Variants in NEDD4L observed in about 807,000 individuals in gnomAD.
NEDD4L encodes E3 ubiquitin-protein ligase NEDD4-like.
NEDD4L carries 54 observed loss-of-function variants against 148.9 expected under a neutral mutation model. That is an observed-to-expected ratio of 0.36 (90% CI 0.29 to 0.45). NEDD4L has a LOEUF of 0.45. Among genes scored for constraint, NEDD4L ranks in the 20% least tolerant of loss-of-function variants. The probability of loss-of-function intolerance (pLI) is 1.00; values close to 1 mark genes in which losing one functional copy is unlikely to be tolerated. For synonymous variants in NEDD4L, 433 were observed against 440.7 expected (o/e 0.98, Z 0.22); for missense variants, 856 against 1,233.8 (o/e 0.69, Z 4.59).
intron 5 of NEDD4L, among the ~76,000 whole-genome samples, chr18:58,289,806 C>G (rs1296584871): frequency 2.6e-5 from 4 of 152,198 alleles, no homozygotes; most frequent in African/African-American, 9.7e-5. Flanking sequence ...CCCTTGAAAT[C>G]TATATGCACA....
At chr18:58,220,489 C>T (rs556752770) in intron 2 of NEDD4L, among the ~76,000 whole-genome samples, 8 of 152,148 alleles carry the variant, frequency 5.3e-5, no homozygotes, top group Non-Finnish European at 8.8e-5. Flanking sequence ...CCCACTTGCT[C>T]CTCTAAGCCT....
intron 26 of NEDD4L, among the ~76,000 whole-genome samples, 155 bp downstream of exon 26, chr18:58,385,741 G>T (rs779657394): frequency 6.6e-6 from 1 of 152,064 alleles, no homozygotes; most frequent in Non-Finnish European, 1.5e-5. Flanking sequence ...AGCTCACACC[G>T]CTGGCCAGTC....
intron 1 of NEDD4L, among the ~76,000 whole-genome samples, chr18:58,130,356 C>T (rs2031883879): frequency 1.6e-5 from 2 of 124,848 alleles, no homozygotes; most frequent in Non-Finnish European, 3.2e-5. Flanking sequence ...GTTTGGTTGA[C>T]TGTGATCTAG....
intron 2 of NEDD4L, among the ~76,000 whole-genome samples, chr18:58,214,097 C>CT (rs1258983705): frequency 6.6e-6 from 1 of 152,152 alleles, no homozygotes; most frequent in Non-Finnish European, 1.5e-5. Flanking sequence ...CCTGCTTTGG[C>CT]CTACATGAAG....
intron 19 of NEDD4L, among the ~76,000 whole-genome samples, chr18:58,361,117 G>T (rs1460080769): frequency 6.6e-6 from 1 of 152,150 alleles, no homozygotes; most frequent in African/African-American, 2.4e-5. Flanking sequence ...CAAAGGCCAA[G>T]TTCTGTGTCC....
At chr18:58,248,530 A>C (rs969643491) in intron 3 of NEDD4L, among the ~76,000 whole-genome samples, 39 of 152,216 alleles carry the variant, frequency 2.6e-4, no homozygotes, top group African/African-American at 9.4e-4. Flanking sequence ...GTTACTCTGC[A>C]AAACAGATTT....
At chr18:58,091,631 AG>A (rs1370899122) in intron 1 of NEDD4L, 4 of 152,204 alleles carry the variant, frequency 2.6e-5, no homozygotes, top group African/African-American at 9.6e-5. Context: ...AGCGTAAGTA[AG>A]TATTTGCTTT....
intron 1 of NEDD4L, among the ~76,000 whole-genome samples, chr18:58,060,290 TC>T (rs2082273114): frequency 6.6e-6 from 1 of 152,168 alleles, no homozygotes; most frequent in African/African-American, 2.4e-5. Flanking sequence ...CCTGTTGAGA[TC>T]TGGGCTTTTC....
At chr18:58,337,146 G>C (rs2041880830) in intron 13 of NEDD4L, among the ~76,000 whole-genome samples, 1 of 152,094 alleles carries the variant, frequency 6.6e-6, no homozygotes, top group African/African-American at 2.4e-5. Context: ...ACGTTAGACT[G>C]CCATTTTCTT....
intron 1 of NEDD4L, among the ~76,000 whole-genome samples, chr18:58,159,431 T>C (rs1223044946): frequency 6.6e-6 from 1 of 152,172 alleles, no homozygotes; most frequent in Non-Finnish European, 1.5e-5. Context: ...GTAACAGGGA[T>C]ACTACTCTGG....
chr18:58,098,093 TA>T (rs1374560858), intron 1 of NEDD4L, among the ~76,000 whole-genome samples: 8 of 152,186 alleles, frequency 5.3e-5, no homozygotes, highest in Non-Finnish European at 1.0e-4. Flanking sequence ...TGCTTAGTTT[TA>T]TCCAGATGAC....
rs183498350 is a variant in NEDD4L at position 58,199,519 on chromosome 18, G to A, written c.122+33658G>A. Among the ~76,000 whole-genome samples, 271 of 152,308 alleles carry A rather than the reference G, an allele frequency of 1.8e-3. 1 individual carries two copies. Among genetic ancestry groups the A allele is most frequent in the Non-Finnish European group, 2.5e-3 (169 of 68,034 alleles). On this transcript the variant is annotated intron_variant, in intron 2 of 30. Coordinates refer to ENST00000400345, the MANE Select transcript of NEDD4L (RefSeq NM_001144967.3). ...TGGAAGACCAGGCACGGTGGCTCAC[G>A]CTTGTAATCCCGGCACTTTAGGAGG...
At chr18:58,297,301 T>G (rs2055769398) in intron 5 of NEDD4L, among the ~76,000 whole-genome samples, 1 of 152,104 alleles carries the variant, frequency 6.6e-6, no homozygotes, top group Admixed American at 6.5e-5. Context: ...TGGGGCAGCT[T>G]ATGGACGAGA....
intron 2 of NEDD4L, among the ~76,000 whole-genome samples, chr18:58,183,274 A>G (rs2039054626): frequency 6.6e-6 from 1 of 152,124 alleles, no homozygotes; most frequent in Non-Finnish European, 1.5e-5. Context: ...AGTTCCTCCA[A>G]ATAAACCCTG....
chr18:58,272,753 A>T lies in NEDD4L; in HGVS notation c.297+20699A>T, dbSNP rs151158829. 2.0e-5 allele frequency among the ~76,000 whole-genome samples: 3 copies of T among 152,304 alleles called. No individual in the cohort carries two copies. In the East Asian group the frequency reaches 5.8e-4, roughly 29 times the overall value. ...ACATAAAAGTCAGTAAGGCTAAGGG[A>T]CACTTCTGAATTCCTTCTGCTGTCC... On this transcript the variant is annotated intron_variant, in intron 5 of 30. Coordinates refer to ENST00000400345, the MANE Select transcript of NEDD4L (RefSeq NM_001144967.3).
intron 1 of NEDD4L, among the ~76,000 whole-genome samples, chr18:58,131,363 T>G (rs925193525): frequency 3.5e-5 from 5 of 144,074 alleles, no homozygotes; most frequent in Non-Finnish European, 7.5e-5. Context: ...ACTGTGGTGG[T>G]GTTGGGCTCT....
chr18:58,278,378 C>A (rs1337395817), intron 5 of NEDD4L, among the ~76,000 whole-genome samples: 3 of 152,206 alleles, frequency 2.0e-5, no homozygotes, highest in Admixed American at 2.0e-4. Flanking sequence ...CTCTTCACTG[C>A]CACTGCTGTG....
rs147135179 is a variant in NEDD4L, at chr18:58,219,013, C to T, written c.123-26414C>T. On this transcript the variant is annotated intron_variant, in intron 2 of 30. Transcript: ENST00000400345. ...GCTGCTTTGATTGGGCCCTAATTTT[C>T]TCCTCTAGACAAAAGGAATTGAACT... Among the ~76,000 whole-genome samples, 214 of 152,318 alleles carry T rather than the reference C, an allele frequency of 1.4e-3. 2 individuals carry two copies. Among genetic ancestry groups the T allele is most frequent in the African/African-American group, 4.9e-3 (204 of 41,554 alleles).
At chr18:58,211,755 C>T (rs906252141) in intron 2 of NEDD4L, among the ~76,000 whole-genome samples, 2 of 152,134 alleles carry the variant, frequency 1.3e-5, no homozygotes, top group East Asian at 1.9e-4. Context: ...AAGAAGTCTT[C>T]GTGATCAAAG....
Sources: allele counts gnomAD v4.1 joint callset (sites outside exome capture counted in the v4.1 genomes callset), GRCh38; gene constraint gnomAD v4.1.1; transcripts MANE v1.5; gene names NCBI Gene and HGNC (gene_info 2026-07-23, HGNC 2026-07-21).